CFDP1: variants seen among roughly 807,000 people sequenced by gnomAD.
CFDP1 encodes the protein heterochromatin-stabilizing protein CFDP1.
Under a neutral mutation model 40.1 loss-of-function variants are expected in CFDP1, and 31 were observed. The ratio of observed to expected loss-of-function variants is 0.77; its 90% CI spans 0.58 to 1.04. The LOEUF is 1.04. CFDP1 is among the 50% of genes least tolerant of loss of function. The pLI, the probability that CFDP1 is intolerant of heterozygous loss-of-function variation, is 0.00. For missense variants in CFDP1, 423 were observed against 343.4 expected (o/e 1.23, Z -1.83); for synonymous variants, 167 against 120.0 (o/e 1.39, Z -2.56).
At chr16:75,384,126 G>GCTGAGGTGGGCAGATCAC (rs2078873313) in intron 5 of CFDP1, among the ~76,000 whole-genome samples, 1 of 152,274 alleles carries the variant, frequency 6.6e-6, no homozygotes, top group East Asian at 1.9e-4. Context: ...ACTTTGTGAG[G>GCTGAGGTGGGCAGATCAC]CTGAGGTGGG....
intron 5 of CFDP1, among the ~76,000 whole-genome samples, chr16:75,366,656 T>A (rs930641600): frequency 6.6e-6 from 1 of 151,852 alleles, no homozygotes; most frequent in Admixed American, 6.6e-5. Context: ...AAAACCGTTA[T>A]AGGGAGATAG....
intron 5 of CFDP1, among the ~76,000 whole-genome samples, chr16:75,338,901 T>C (rs908743379): frequency 6.6e-6 from 1 of 152,198 alleles, no homozygotes; most frequent in Non-Finnish European, 1.5e-5. Context: ...GATGCCAACT[T>C]GATCCTTGAT....
In CFDP1 at chr16:75,399,373, T is replaced by C. The variant is rs2079028395; in HGVS notation, c.531-4164A>G. Among the ~76,000 whole-genome samples, 3 of 152,182 alleles carry C rather than the reference T, an allele frequency of 2.0e-5. No individual in the cohort carries two copies. In the South Asian group the frequency reaches 6.2e-4, roughly 31 times the overall value. ...TGGGTAGAATCTGGGGCAGACCAGC[T>C]AATGAAGAACAAGTAGAAACTGCCA... On this transcript the variant is annotated intron_variant, in intron 4 of 6. Transcript: ENST00000283882.
At chr16:75,347,747 C>T (rs2078579957) in intron 5 of CFDP1, among the ~76,000 whole-genome samples, 1 of 152,198 alleles carries the variant, frequency 6.6e-6, no homozygotes, top group South Asian at 2.1e-4. Flanking sequence ...GTGGAGACAT[C>T]TGACAAACTC....
At chr16:75,368,018 C>A (rs926838173) in intron 5 of CFDP1, among the ~76,000 whole-genome samples, 2 of 152,062 alleles carry the variant, frequency 1.3e-5, no homozygotes, top group African/African-American at 4.8e-5. Flanking sequence ...GCAGAAGAAT[C>A]GCTTGAACAC....
At chr16:75,382,765 TG>T (rs2078862696) in intron 5 of CFDP1, among the ~76,000 whole-genome samples, 1 of 152,104 alleles carries the variant, frequency 6.6e-6, no homozygotes, top group Admixed American at 6.5e-5. Flanking sequence ...TGATATTCCT[TG>T]GATCTTCCTA....
chr16:75,428,253 A>G (rs1187574828), intron 1 of CFDP1, among the ~76,000 whole-genome samples: 1 of 152,056 alleles, frequency 6.6e-6, no homozygotes, highest in Non-Finnish European at 1.5e-5. Context: ...ATTTTATTGT[A>G]TGTAAGTTAA....
Position 75,384,874 on chromosome 16 carries a change from ATATATATATATATATATATATATATT to A in CFDP1, c.650+10190_650+10215del, listed in dbSNP as rs935573164. Reference sequence around the variant, plus strand: ...AAACTATATATATATATATATATATATATATATATATATATATATATATATTGCAGACCAGTACAGACAGGGTAAGT... The same window carrying A: ...AAACTATATATATATATATATATATAGCAGACCAGTACAGACAGGGTAAGT... On this transcript the variant is annotated intron_variant, in intron 5 of 6. Coordinates refer to ENST00000283882, the MANE Select transcript of CFDP1 (RefSeq NM_006324.3). Among the ~76,000 whole-genome samples, 143 of 30,686 alleles carry A rather than the reference ATATATATATATATATATATATATATT, an allele frequency of 4.7e-3. 2 individuals are homozygous for A. The highest frequency in any genetic ancestry group is 8.6e-3 in the African/African-American group (129 of 15,060). The allele number at this position is 30,686 out of a possible 152,430, so 20.1% of individuals were successfully genotyped here.
At position 75,342,636 on chromosome 16, in the gene CFDP1, G is replaced by GA. The variant is rs564421731; in HGVS notation, c.651-37455dup. Among the ~76,000 whole-genome samples the GA allele has an allele frequency of 1.1e-3, 174 of 151,800 alleles. 1 individual carries two copies. The highest frequency in any genetic ancestry group is 2.3e-3 in the South Asian group (11 of 4,808). On this transcript the variant is annotated intron_variant, in intron 5 of 6. Transcript: ENST00000283882. ...TGGGCTCTATCTGCATACTACAGCG[G>GA]AAAAAAAACATCCTTTCTCTAGGCT...
At chr16:75,335,331 C>T (rs1209079487) in intron 5 of CFDP1, among the ~76,000 whole-genome samples, 1 of 152,124 alleles carries the variant, frequency 6.6e-6, no homozygotes, top group African/African-American at 2.4e-5. Context: ...GGCTTATGTT[C>T]GTGGTCAAAA....
At chr16:75,359,662 T>G (rs79462167) in intron 5 of CFDP1, among the ~76,000 whole-genome samples, 2,356 of 152,270 alleles carry the variant, frequency 0.015, 58 homozygotes, top group African/African-American at 0.053. Context: ...CACCTTGCAC[T>G]TGGTACCAGT....
At chr16:75,387,409 G>A (rs148292176) in intron 5 of CFDP1, among the ~76,000 whole-genome samples, 1,680 of 152,294 alleles carry the variant, frequency 0.011, 24 homozygotes, top group African/African-American at 0.039. Flanking sequence ...CCAAAGTGCT[G>A]GGATTACAGG....
intron 5 of CFDP1, among the ~76,000 whole-genome samples, chr16:75,376,181 A>G (rs567433820): frequency 6.6e-6 from 1 of 152,348 alleles, no homozygotes; most frequent in African/African-American, 2.4e-5. Flanking sequence ...ATTGCATTCC[A>G]GCCTGAGTGA....
At chr16:75,416,081 A>G (rs1597397927) in intron 1 of CFDP1, among the ~76,000 whole-genome samples, 1 of 152,012 alleles carries the variant, frequency 6.6e-6, no homozygotes, top group Non-Finnish European at 1.5e-5. Context: ...TTGAATTCTG[A>G]CCTCAGGTGA....
chr16:75,322,519 T>A (rs976855733), intron 5 of CFDP1, among the ~76,000 whole-genome samples: 5 of 152,212 alleles, frequency 3.3e-5, no homozygotes, highest in African/African-American at 9.6e-5. Flanking sequence ...TATAGCATGT[T>A]ACTGTACTAA....
intron 5 of CFDP1, among the ~76,000 whole-genome samples, chr16:75,383,715 A>T (rs1306537001): frequency 1.3e-5 from 2 of 151,844 alleles, no homozygotes; most frequent in Non-Finnish European, 2.9e-5. Context: ...GCTACTCGGG[A>T]AGCTGAGGCA....
intron 5 of CFDP1, among the ~76,000 whole-genome samples, chr16:75,391,915 C>G (rs1241082183): frequency 6.6e-6 from 1 of 151,902 alleles, no homozygotes; most frequent in African/African-American, 2.4e-5. Flanking sequence ...TTGCAGTGAG[C>G]CGAGATCGCG....
chr16:75,429,423 G>C (rs919791310), intron 1 of CFDP1, among the ~76,000 whole-genome samples: 3 of 152,200 alleles, frequency 2.0e-5, no homozygotes, highest in African/African-American at 7.2e-5. Flanking sequence ...GGAGGCTGAG[G>C]AGGGCGGATC....
At chr16:75,341,001 TAA>T (rs1346839023) in intron 5 of CFDP1, among the ~76,000 whole-genome samples, 1 of 151,956 alleles carries the variant, frequency 6.6e-6, no homozygotes, top group Non-Finnish European at 1.5e-5. Context: ...GACTTGGAAG[TAA>T]AAAAAATATT....
Sources: gnomAD v4.1 joint callset for allele counts (sites outside exome capture counted in the v4.1 genomes callset) on GRCh38, gnomAD v4.1.1 for gene constraint, MANE v1.5 for transcripts, NCBI Gene and HGNC (gene_info 2026-07-23, HGNC 2026-07-21) for gene names.